The following MICU3 variants were observed in gnomAD, a reference collection of about 807,000 sequenced individuals.
MICU3 encodes mitochondrial calcium uptake 3, also known as calcium uptake protein 3, mitochondrial.
In MICU3, 62 loss-of-function variants were observed where a neutral mutation model predicts 66.5. That is an observed-to-expected ratio of 0.93 (90% CI 0.76 to 1.15). MICU3 has a LOEUF of 1.15. Ranked by LOEUF, MICU3 falls within the 50% of genes most tolerant of loss-of-function variation. The pLI, the probability that MICU3 is intolerant of heterozygous loss-of-function variation, is 0.00. For synonymous variants in MICU3, 308 were observed against 240.7 expected, an observed-to-expected ratio of 1.28 and a Z score of -2.59; for missense variants, 779 against 664.4, an observed-to-expected ratio of 1.17 and a Z score of -1.90.
At chr8:17,043,201 A>G (rs1015646155) in intron 1 of MICU3, among the ~76,000 whole-genome samples, 5 of 151,804 alleles carry the variant, frequency 3.3e-5, no homozygotes, top group East Asian at 1.9e-4. Flanking sequence ...GGCCTCCCAA[A>G]TGGCTGGGAT....
chr8:17,088,872 A>G (rs537118688), intron 7 of MICU3, among the ~76,000 whole-genome samples: 18 of 152,082 alleles, frequency 1.2e-4, no homozygotes, highest in African/African-American at 4.3e-4. Context: ...TAATGCAAAT[A>G]TTTTATAATA....
chr8:17,051,515 A>T (rs1024983217), intron 1 of MICU3, among the ~76,000 whole-genome samples: 59 of 152,228 alleles, frequency 3.9e-4, no homozygotes, highest in African/African-American at 1.4e-3. Flanking sequence ...AAAAGAGGAA[A>T]GGAGGTCCAA....
intron 1 of MICU3, among the ~76,000 whole-genome samples, chr8:17,063,747 T>C (rs1818236617): frequency 6.6e-6 from 1 of 152,170 alleles, no homozygotes; most frequent in South Asian, 2.1e-4. Flanking sequence ...CAGCAAGCGC[T>C]GGTGTTCCTT....
chr8:17,130,988 AG>A, the MICU3 span, among the ~76,000 whole-genome samples: 1 of 152,240 alleles, frequency 6.6e-6, no homozygotes, highest in African/African-American at 2.4e-5. Context: ...TAGAGAAAAA[AG>A]ATCCTATGTA....
intron 1 of MICU3, among the ~76,000 whole-genome samples, chr8:17,032,820 A>T (rs1016730885): frequency 3.3e-5 from 5 of 152,144 alleles, no homozygotes; most frequent in Non-Finnish European, 7.4e-5. Context: ...TTCCAACATT[A>T]TACGCGTACT....
chr8:17,036,582 C>T (rs1018044647), intron 1 of MICU3, among the ~76,000 whole-genome samples: 2 of 152,078 alleles, frequency 1.3e-5, no homozygotes, highest in Admixed American at 6.5e-5. Context: ...TACAGAGTTT[C>T]GACACACAGG....
In MICU3 at chr8:17,098,508, A is replaced by G. The variant is rs111567148; in HGVS notation, c.939A>G (p.Thr313=). The part of the protein sequence containing the change: ...EELVSRSYWD[T]LRRNTSQALF... ...TTGTCTCCAGAAGCTATTGGGATAC[A>G]CTGAGACGTAACACAAGCCAAGCAC... Residue 313 remains threonine, a synonymous_variant, in exon 9 of 15, where the codon ACA becomes ACG. Coordinates refer to ENST00000318063, the MANE Select transcript of MICU3 (RefSeq NM_181723.3). The G allele has an allele frequency of 6.2e-7, 1 of 1,611,876 alleles. No individual in the cohort carries two copies. The highest frequency in any genetic ancestry group is 1.7e-5 in the Admixed American group (1 of 59,872).
intron 1 of MICU3, among the ~76,000 whole-genome samples, chr8:17,031,045 T>C (rs1811946564): frequency 6.6e-6 from 1 of 152,066 alleles, no homozygotes; most frequent in Non-Finnish European, 1.5e-5. Context: ...AATAGAATCA[T>C]GGAGTCAATC....
At chr8:17,027,744 G>C in intron 1 of MICU3, 84 bp downstream of exon 1, 1 of 1,246,678 alleles carries the variant, frequency 8.0e-7, no homozygotes, top group Non-Finnish European at 1.0e-6. Context: ...CTGTGGGGAC[G>C]GTGCAAGCGC....
chr8:17,040,560 A>T (rs1813892240), intron 1 of MICU3, among the ~76,000 whole-genome samples: 1 of 152,228 alleles, frequency 6.6e-6, no homozygotes, highest in Non-Finnish European at 1.5e-5. Flanking sequence ...CTTTAGCAGT[A>T]ATGGTGAATT....
intron 11 of MICU3, among the ~76,000 whole-genome samples, chr8:17,106,706 G>A (rs114698257): frequency 1.1e-4 from 16 of 151,910 alleles, no homozygotes; most frequent in African/African-American, 1.9e-4. Context: ...AAATTTGCAC[G>A]TGAATCAAAA....
At chr8:17,082,187 A>T (rs1028072144) in intron 5 of MICU3, among the ~76,000 whole-genome samples, 2 of 152,214 alleles carry the variant, frequency 1.3e-5, no homozygotes, top group Admixed American at 1.3e-4. Flanking sequence ...CTTAGGAAAT[A>T]TATGAAGGGT....
At chr8:17,043,044 A>C (rs879652625) in intron 1 of MICU3, among the ~76,000 whole-genome samples, 2 of 137,954 alleles carry the variant, frequency 1.4e-5, no homozygotes, top group Non-Finnish European at 3.0e-5. Flanking sequence ...GGTTCATGCC[A>C]TTCTCCTGCC....
the MICU3 span, among the ~76,000 whole-genome samples, chr8:17,134,722 G>A: frequency 1.3e-5 from 2 of 152,146 alleles, no homozygotes; most frequent in Admixed American, 1.3e-4. Context: ...GGGATCATAG[G>A]CGTGAGCCAC....
At chr8:17,101,905 C>T (rs1030018553) in intron 9 of MICU3, among the ~76,000 whole-genome samples, 4 of 151,874 alleles carry the variant, frequency 2.6e-5, no homozygotes, top group Non-Finnish European at 4.4e-5. Context: ...TAACAGCTAA[C>T]ACTTACTGAG....
At chr8:17,137,705 CTTTTTTTTTTTTTTTTTTT>C in the MICU3 span, among the ~76,000 whole-genome samples, 37 of 102,894 alleles carry the variant, frequency 3.6e-4, no homozygotes, top group Admixed American at 6.7e-4. Flanking sequence ...TTTTCTTTTC[CTTTTTTTTTTTTTTTTTTT>C]TTTTTTTTTT....
chr8:17,064,832 T>TA (rs1018278421), intron 2 of MICU3, among the ~76,000 whole-genome samples: 4 of 152,072 alleles, frequency 2.6e-5, no homozygotes, highest in Admixed American at 1.3e-4. Context: ...ACATGGACAG[T>TA]AAAAAAAGGA....
At chr8:17,034,580 TA>T (rs1308956129) in intron 1 of MICU3, among the ~76,000 whole-genome samples, 1 of 152,164 alleles carries the variant, frequency 6.6e-6, no homozygotes, top group Admixed American at 6.5e-5. Context: ...CTGGTAGAGG[TA>T]AAAGTATCAA....
intron 1 of MICU3, among the ~76,000 whole-genome samples, chr8:17,038,417 C>T (rs1365020698): frequency 6.6e-6 from 1 of 152,186 alleles, no homozygotes; most frequent in East Asian, 1.9e-4. Context: ...TGACTTTGCT[C>T]CTCATTTGCC....
Sources: allele counts gnomAD v4.1 joint callset (sites outside exome capture counted in the v4.1 genomes callset), GRCh38; gene constraint gnomAD v4.1.1; transcripts MANE v1.5; gene names NCBI Gene and HGNC (gene_info 2026-07-23, HGNC 2026-07-21).